Variants in PDXDC1 observed in about 807,000 individuals in gnomAD.
PDXDC1 encodes the protein pyridoxal dependent decarboxylase domain containing 1.
Under a neutral mutation model 100.1 loss-of-function variants are expected in PDXDC1, and 42 were observed. The ratio of observed to expected loss-of-function variants is 0.42; its 90% CI spans 0.33 to 0.54. The LOEUF (loss-of-function observed/expected upper bound fraction) is 0.54. PDXDC1 is among the 20% of genes least tolerant of loss of function. PDXDC1 has a pLI of 0.10. For missense variants in PDXDC1, 636 were observed against 979.2 expected (o/e 0.65, Z 4.68); for synonymous variants, 260 against 371.7 (o/e 0.70, Z 3.46).
chr16:15,063,272 A>C (rs2044794715), intron 16 of PDXDC1: 4 of 1,612,252 alleles, frequency 2.5e-6, no homozygotes, highest in South Asian at 1.1e-5. Flanking sequence ...AGGATCAATG[A>C]ATTTCTTTGA....
intron 16 of PDXDC1, chr16:15,092,557 A>C: frequency 6.2e-7 from 1 of 1,613,738 alleles, no homozygotes. Context: ...CAAACCGAAC[A>C]GTTTTTCTTG....
chr16:15,008,751 T>A, intron 6 of PDXDC1, 28 bp from the exon 7 acceptor site: 1 of 1,611,058 alleles, frequency 6.2e-7, no homozygotes, highest in Non-Finnish European at 8.5e-7. Flanking sequence ...GAGAGCTTTC[T>A]TGTCAAGTCA....
intron 16 of PDXDC1, chr16:15,125,157 A>G (rs2047638572): frequency 1.9e-6 from 1 of 530,972 alleles, no homozygotes; most frequent in Non-Finnish European, 3.2e-6. Flanking sequence ...GTCTCAAAAA[A>G]AAAAAAAAAA....
intron 16 of PDXDC1, chr16:15,061,816 G>C (rs748204493): frequency 6.2e-7 from 1 of 1,614,196 alleles, no homozygotes; most frequent in Non-Finnish European, 8.5e-7. Context: ...GGAAATGCGT[G>C]TCAAAGGAGC....
chr16:14,991,024 G>A (rs1197779389), intron 1 of PDXDC1, among the ~76,000 whole-genome samples: 1 of 152,278 alleles, frequency 6.6e-6, no homozygotes, highest in African/African-American at 2.4e-5. Context: ...TTATAGTCGT[G>A]AGCCACTGCG....
Position 15,036,026 on chromosome 16 carries a change from T to C in PDXDC1, c.2118T>C (p.Pro706=), listed in dbSNP as rs1403409142. Residue 706 remains proline, a synonymous_variant, in exon 23 of 23, where the codon CCT becomes CCC. Coordinates refer to ENST00000396410, the MANE Select transcript of PDXDC1 (RefSeq NM_015027.4). The part of the protein sequence containing the change: ...RTKQRLPGQK[P]FKRSLRGSDA... ...CTGCCCTTTCTGTAGGCCAGAAGCC[T>C]TTTAAAAGGTCCCTGCGAGGTTCAG... 1 of 1,612,526 alleles carries C rather than the reference T, an allele frequency of 6.2e-7. No individual in the cohort carries two copies. Among genetic ancestry groups the C allele is most frequent in the Non-Finnish European group, 8.5e-7 (1 of 1,179,212 alleles).
intron 16 of PDXDC1, among the ~76,000 whole-genome samples, chr16:15,132,332 G>GAGGGA (rs1431039257): frequency 2.6e-5 from 1 of 38,448 alleles, no homozygotes; most frequent in East Asian, 1.1e-3. Context: ...GAGGGGAGGG[G>GAGGGA]AGGGGGCAGG....
chr16:14,993,585 T>C (rs1597360459), intron 1 of PDXDC1, among the ~76,000 whole-genome samples: 2 of 152,418 alleles, frequency 1.3e-5, no homozygotes, highest in Middle Eastern at 3.4e-3. Flanking sequence ...CTATTGTGAA[T>C]AGTGCCACAA....
intron 1 of PDXDC1, among the ~76,000 whole-genome samples, chr16:14,982,875 A>C (rs1968317618): frequency 6.6e-6 from 1 of 152,262 alleles, no homozygotes; most frequent in African/African-American, 2.4e-5. Context: ...TTTTGCAGAG[A>C]TGAAGGTTGA....
intron 16 of PDXDC1, chr16:15,125,918 TGTC>T (rs2047692066): frequency 1.5e-6 from 1 of 654,050 alleles, no homozygotes; most frequent in Non-Finnish European, 2.8e-6. Context: ...TCTGACAGAA[TGTC>T]CTAGAATGCT....
chr16:15,114,744 G>GT (rs1163834700), intron 16 of PDXDC1, among the ~76,000 whole-genome samples: 2 of 128,666 alleles, frequency 1.6e-5, no homozygotes, highest in Non-Finnish European at 3.3e-5. Context: ...GAAGTCTCAT[G>GT]TTTTTCAGAT....
chr16:15,127,139 G>A (rs1485101150), intron 16 of PDXDC1: 15 of 370,772 alleles, frequency 4.0e-5, no homozygotes, highest in Non-Finnish European at 6.8e-5. Flanking sequence ...ACTTGCTATA[G>A]ACGTACTGAG....
chr16:14,980,099 A>G (rs1032016706), intron 1 of PDXDC1, among the ~76,000 whole-genome samples: 3 of 152,288 alleles, frequency 2.0e-5, no homozygotes, highest in African/African-American at 7.2e-5. Context: ...GCCATAGTAC[A>G]AAGTTCCTGA....
In PDXDC1 at chr16:14,990,609, A is replaced by G. The variant is rs572130598; in HGVS notation, c.22-7144A>G. 5.9e-5 allele frequency among the ~76,000 whole-genome samples: 9 copies of G among 152,406 alleles called. No homozygotes were observed. In the South Asian group the frequency reaches 1.9e-3, roughly 32 times the overall value. ...TATTTTGAATTATCCAATTAATGCA[A>G]CAAACACGTGAGGGTCTATGGCATT... is the stretch of plus-strand genomic sequence containing the variant. On this transcript the variant is annotated intron_variant, in intron 1 of 22. Transcript: ENST00000396410.
At chr16:15,086,001 G>A in intron 16 of PDXDC1, 1 of 657,876 alleles carries the variant, frequency 1.5e-6, no homozygotes, top group Non-Finnish European at 2.7e-6. Flanking sequence ...GGGAATATAT[G>A]TCTACCAGAC....
At chr16:15,003,017 T>C (rs1597417112) in intron 4 of PDXDC1, among the ~76,000 whole-genome samples, 1 of 152,282 alleles carries the variant, frequency 6.6e-6, no homozygotes. Context: ...CTTTTTCTTA[T>C]TATTCACAGT....
chr16:15,018,696 T>C (rs2041969820), intron 11 of PDXDC1, 144 bp from the exon 12 acceptor site: 1 of 692,436 alleles, frequency 1.4e-6, no homozygotes, highest in African/African-American at 1.8e-5. Context: ...GCTCACAGAG[T>C]TGTTGGAAGA....
At chr16:15,080,714 G>A (rs4122352) in intron 16 of PDXDC1, among the ~76,000 whole-genome samples, 31,335 of 151,878 alleles carry the variant, frequency 0.21, 4,285 homozygotes, top group Middle Eastern at 0.34. Flanking sequence ...AAGCCACTGC[G>A]CCCAGCCAGC....
At chr16:15,038,894 C>T (rs760922537), downstream of PDXDC1, among the ~76,000 whole-genome samples, 5 of 152,192 alleles carry the variant, frequency 3.3e-5, no homozygotes, top group Non-Finnish European at 5.9e-5. Context: ...GACTGCTGAG[C>T]GCCAACAGCA....
Sources: gnomAD v4.1 joint callset for allele counts (sites outside exome capture counted in the v4.1 genomes callset) on GRCh38, gnomAD v4.1.1 for gene constraint, MANE v1.5 for transcripts, NCBI Gene and HGNC (gene_info 2026-07-23, HGNC 2026-07-21) for gene names.